Variants in FSTL4 observed in about 807,000 individuals in gnomAD.
FSTL4 encodes the protein follistatin like 4, also known as follistatin-related protein 4.
FSTL4 carries 28 observed loss-of-function variants against 78.2 expected under a neutral mutation model. The ratio of observed to expected loss-of-function variants is 0.36; its 90% CI spans 0.27 to 0.49. The LOEUF (loss-of-function observed/expected upper bound fraction) is 0.49. Ranked by LOEUF, FSTL4 falls within the 20% of genes least tolerant of loss-of-function variation. FSTL4 has a pLI of 0.98. For synonymous variants in FSTL4, 422 were observed against 440.5 expected, an observed-to-expected ratio of 0.96 and a Z score of 0.53; for missense variants, 922 against 1,084.9, an observed-to-expected ratio of 0.85 and a Z score of 2.11.
chr5:133,410,008 G>GT (rs1300302604), intron 3 of FSTL4, among the ~76,000 whole-genome samples: 18 of 152,220 alleles, frequency 1.2e-4, no homozygotes, highest in Non-Finnish European at 2.2e-4. Context: ...CAGAGCCTGT[G>GT]TTTTAACTTG....
chr5:133,205,709 T>TTAAG (rs1430718004), intron 14 of FSTL4, among the ~76,000 whole-genome samples: 1 of 152,218 alleles, frequency 6.6e-6, no homozygotes, highest in Non-Finnish European at 1.5e-5. Flanking sequence ...AATCTAAACA[T>TTAAG]TAAGTTTCAA....
chr5:133,590,101 A>AT (rs1750444853), intron 2 of FSTL4, among the ~76,000 whole-genome samples: 2 of 151,488 alleles, frequency 1.3e-5, no homozygotes, highest in Admixed American at 1.3e-4. Context: ...CTCTTTATTT[A>AT]TTTATTTATT....
the FSTL4 span, among the ~76,000 whole-genome samples, chr5:133,732,232 G>A: frequency 6.6e-6 from 1 of 152,306 alleles, no homozygotes; most frequent in Non-Finnish European, 1.5e-5. Context: ...TGAGAAGAAG[G>A]GGAGGTGTGT....
chr5:133,630,673 G>A, the FSTL4 span, among the ~76,000 whole-genome samples: 11 of 152,086 alleles, frequency 7.2e-5, no homozygotes, highest in East Asian at 3.8e-4. Context: ...AAAAGAGCCC[G>A]TATAGTCAAG....
At chr5:133,508,452 C>A (rs547732165) in intron 3 of FSTL4, among the ~76,000 whole-genome samples, 2 of 152,290 alleles carry the variant, frequency 1.3e-5, no homozygotes, top group South Asian at 4.1e-4. Flanking sequence ...TTTGTTTACA[C>A]CAGCATTGCC....
chr5:133,521,281 T>G (rs1758976347), intron 3 of FSTL4, among the ~76,000 whole-genome samples: 1 of 152,166 alleles, frequency 6.6e-6, no homozygotes, highest in African/African-American at 2.4e-5. Context: ...ACCTCAGAGA[T>G]TCAGCTGAGC....
intron 1 of FSTL4, among the ~76,000 whole-genome samples, chr5:133,609,006 A>G (rs1761031945): frequency 6.6e-6 from 1 of 152,164 alleles, no homozygotes; most frequent in Admixed American, 6.5e-5. Flanking sequence ...CCCTGTTGGG[A>G]AGAATGGGAA....
intron 3 of FSTL4, among the ~76,000 whole-genome samples, chr5:133,518,101 A>G (rs906322198): frequency 6.6e-6 from 1 of 152,222 alleles, no homozygotes; most frequent in African/African-American, 2.4e-5. Flanking sequence ...AAAGCACTTT[A>G]TATGCATATA....
intron 3 of FSTL4, among the ~76,000 whole-genome samples, chr5:133,504,583 C>T (rs1228683868): frequency 1.3e-5 from 2 of 152,222 alleles, no homozygotes; most frequent in Non-Finnish European, 2.9e-5. Flanking sequence ...ACATTCTTCA[C>T]TGGGACTCTG....
chr5:133,568,320 C>G (rs1760074663), intron 2 of FSTL4, among the ~76,000 whole-genome samples: 2 of 152,174 alleles, frequency 1.3e-5, no homozygotes, highest in African/African-American at 4.8e-5. Flanking sequence ...AGAGAAAACA[C>G]CAAACTGGGA....
At chr5:133,241,597 G>A (rs1751875790) in intron 7 of FSTL4, among the ~76,000 whole-genome samples, 1 of 152,202 alleles carries the variant, frequency 6.6e-6, no homozygotes, top group Admixed American at 6.5e-5. Context: ...CAGCTAATGG[G>A]GCCCTCTGGT....
chr5:133,463,701 C>G (rs1757640408), intron 3 of FSTL4, among the ~76,000 whole-genome samples: 1 of 152,208 alleles, frequency 6.6e-6, no homozygotes, highest in Non-Finnish European at 1.5e-5. Context: ...GATTAAAGTA[C>G]AATATCCTGT....
intron 4 of FSTL4, among the ~76,000 whole-genome samples, chr5:133,329,947 C>T (rs1243234687): frequency 6.6e-6 from 1 of 152,180 alleles, no homozygotes; most frequent in Non-Finnish European, 1.5e-5. Flanking sequence ...AAAGGCATTC[C>T]AAGGATGCAC....
chr5:133,494,985 T>C (rs924302043), intron 3 of FSTL4, among the ~76,000 whole-genome samples: 1 of 152,236 alleles, frequency 6.6e-6, no homozygotes, highest in Non-Finnish European at 1.5e-5. Context: ...TAAACAACTG[T>C]CTCCATTCTG....
At chr5:133,600,424 G>C (rs959155914) in intron 2 of FSTL4, among the ~76,000 whole-genome samples, 2 of 151,386 alleles carry the variant, frequency 1.3e-5, no homozygotes, top group East Asian at 2.0e-4. Context: ...AGGATAAAGG[G>C]GGGGGGGATA....
intron 4 of FSTL4, among the ~76,000 whole-genome samples, chr5:133,386,773 T>G (rs1755709523): frequency 1.3e-5 from 2 of 151,948 alleles, no homozygotes; most frequent in African/African-American, 4.8e-5. Flanking sequence ...AATATGGACG[T>G]TTTTCTTCCT....
the FSTL4 span, among the ~76,000 whole-genome samples, chr5:133,811,163 T>C: frequency 6.6e-6 from 1 of 152,132 alleles, no homozygotes; most frequent in Admixed American, 6.5e-5. Flanking sequence ...ACCTCTACTT[T>C]TGAAGAAAAA....
At chr5:133,840,821 G>A in the FSTL4 span, among the ~76,000 whole-genome samples, 2 of 152,204 alleles carry the variant, frequency 1.3e-5, no homozygotes, top group African/African-American at 4.8e-5. Flanking sequence ...TTCTGCAGGG[G>A]GACCCCTCTC....
Position 133,199,175 on chromosome 5 carries a change from T to C in FSTL4, c.2449A>G (p.Asn817Asp). ...CACCGCAGCGTGTTTTGTCTCCCAT[T>C]GATGAGGAACAGTGACTCTCGGGCT... The part of the protein sequence containing the change: ...TPARESLFLI[N>D]GRQNTLRCEV... The change falls in exon 16 of 16, where the codon AAT becomes GAT. Residue 817 changes from asparagine to aspartate, a missense_variant. Asn to Asp is a conservative substitution (Grantham distance 23, BLOSUM62 1). Coordinates refer to ENST00000265342, the MANE Select transcript of FSTL4 (RefSeq NM_015082.2). This position sits in a 1 kb window ranked among gnomAD's most constrained non-coding sequence, Gnocchi z 4.4. The C allele has an allele frequency of 6.2e-7, 1 of 1,609,802 alleles. No homozygotes were observed. Among genetic ancestry groups the C allele is most frequent in the Non-Finnish European group, 8.5e-7 (1 of 1,176,726 alleles).
Sources: gnomAD v4.1 joint callset for allele counts (sites outside exome capture counted in the v4.1 genomes callset) on GRCh38, gnomAD v4.1.1 for gene constraint, Gnocchi (gnomAD v3.1) non-coding constraint, MANE v1.5 for transcripts, NCBI Gene and HGNC (gene_info 2026-07-23, HGNC 2026-07-21) for gene names.